PTPRM: variants seen among roughly 807,000 people sequenced by gnomAD.
PTPRM encodes the protein protein tyrosine phosphatase receptor type M.
A neutral mutation model predicts 186.7 loss-of-function variants in PTPRM; 47 were observed. That is an observed-to-expected ratio of 0.25 (90% confidence interval 0.20 to 0.32). PTPRM has a LOEUF of 0.32. Among genes scored for constraint, PTPRM ranks in the 10% least tolerant of loss-of-function variants. The pLI, the probability that PTPRM is intolerant of heterozygous loss-of-function variation, is 1.00. For synonymous variants in PTPRM, 668 were observed against 674.9 expected, an observed-to-expected ratio of 0.99 and a Z score of 0.16; for missense variants, 1,494 against 1,865.0, an observed-to-expected ratio of 0.80 and a Z score of 3.66.
chr18:7,631,389 AGATAT>A (rs886804057), intron 1 of PTPRM, among the ~76,000 whole-genome samples: 2 of 151,766 alleles, frequency 1.3e-5, no homozygotes, highest in African/African-American at 4.8e-5. Context: ...AACTGTGATA[AGATAT>A]ATTTCTTTCC....
At chr18:8,342,948 G>T (rs2095483581) in intron 22 of PTPRM, among the ~76,000 whole-genome samples, 1 of 151,898 alleles carries the variant, frequency 6.6e-6, no homozygotes, top group Non-Finnish European at 1.5e-5. Context: ...AAAAAAAATG[G>T]ATTAATTTGA....
intron 31 of PTPRM, 150 bp downstream of exon 31, chr18:8,387,385 G>T: frequency 2.4e-6 from 2 of 831,350 alleles, no homozygotes; most frequent in Admixed American, 2.9e-5. Context: ...GTGAGGGATT[G>T]GTTGGCTTTT....
At chr18:7,607,575 T>A (rs1048061551) in intron 1 of PTPRM, among the ~76,000 whole-genome samples, 1 of 152,202 alleles carries the variant, frequency 6.6e-6, no homozygotes. Flanking sequence ...CAATTAGTGA[T>A]GTTTGTTAAA....
intron 2 of PTPRM, among the ~76,000 whole-genome samples, chr18:7,829,579 C>A (rs2045657942): frequency 6.6e-6 from 1 of 152,204 alleles, no homozygotes; most frequent in South Asian, 2.1e-4. Flanking sequence ...TGTGAGATTG[C>A]TCTTAAAGAT....
chr18:7,864,952 T>C (rs1388940846), intron 2 of PTPRM, among the ~76,000 whole-genome samples: 1 of 152,170 alleles, frequency 6.6e-6, no homozygotes, highest in Non-Finnish European at 1.5e-5. Flanking sequence ...TTATTTTCCT[T>C]GTAGCAATTG....
chr18:8,245,291 G>T (rs1279997997), intron 15 of PTPRM, among the ~76,000 whole-genome samples: 1 of 152,110 alleles, frequency 6.6e-6, no homozygotes, highest in Non-Finnish European at 1.5e-5. Flanking sequence ...GCTTGTAGCG[G>T]CTGCAGTTGT....
chr18:8,098,024 C>G (rs760582479), intron 11 of PTPRM, among the ~76,000 whole-genome samples: 32 of 152,130 alleles, frequency 2.1e-4, no homozygotes, highest in Non-Finnish European at 4.0e-4. Context: ...TTACAGTTGC[C>G]TACAGTATTC....
chr18:8,337,828 C>T (rs2095449088), intron 22 of PTPRM, among the ~76,000 whole-genome samples: 1 of 152,098 alleles, frequency 6.6e-6, no homozygotes, highest in Admixed American at 6.5e-5. Flanking sequence ...GGGCAGGTGC[C>T]CTGACACAGT....
chr18:7,640,631 G>A (rs1228675753), intron 1 of PTPRM, among the ~76,000 whole-genome samples: 1 of 152,046 alleles, frequency 6.6e-6, no homozygotes, highest in Non-Finnish European at 1.5e-5. Flanking sequence ...GGAGACAGGT[G>A]ATTGGCAGCT....
At chr18:8,029,787 A>C (rs2085836486) in intron 7 of PTPRM, among the ~76,000 whole-genome samples, 1 of 152,236 alleles carries the variant, frequency 6.6e-6, no homozygotes, top group Non-Finnish European at 1.5e-5. Context: ...GTGAGCCTGC[A>C]GGAAATACTG....
intron 2 of PTPRM, among the ~76,000 whole-genome samples, chr18:7,821,540 G>A (rs932052956): frequency 4.6e-5 from 7 of 151,910 alleles, no homozygotes; most frequent in Non-Finnish European, 1.5e-5. Flanking sequence ...GGCAAGTACC[G>A]AATCCTATAT....
intron 19 of PTPRM, among the ~76,000 whole-genome samples, chr18:8,276,707 C>G (rs2094839892): frequency 6.6e-6 from 1 of 152,204 alleles, no homozygotes; most frequent in South Asian, 2.1e-4. Flanking sequence ...CACAGGACAG[C>G]TGACTCTGGG....
intron 7 of PTPRM, among the ~76,000 whole-genome samples, chr18:7,998,526 G>A (rs11081350): frequency 0.34 from 51,412 of 151,992 alleles, 9,608 homozygotes; most frequent in Non-Finnish European, 0.43. Flanking sequence ...AAAGTACTGC[G>A]TTTATTCCTC....
In PTPRM at chr18:8,374,392, A is replaced by G. The variant is rs1318958003; in HGVS notation, c.3172-1654A>G. Among the ~76,000 whole-genome samples, 5 of 152,294 alleles carry G rather than the reference A, an allele frequency of 3.3e-5. No individual in the cohort carries two copies. The East Asian group carries it at 5.8e-4, about 18-fold the overall frequency. ...CCTTTTTTCCCCTTTGGAATAAAGT[A>G]TTTACCGTCAATAAGCTTTCCCAGT... On this transcript the variant is annotated intron_variant, in intron 24 of 32. Coordinates refer to ENST00000580170, the MANE Select transcript of PTPRM (RefSeq NM_001105244.2).
intron 4 of PTPRM, among the ~76,000 whole-genome samples, chr18:7,907,285 GT>G (rs1218977318): frequency 6.6e-6 from 1 of 152,226 alleles, no homozygotes; most frequent in African/African-American, 2.4e-5. Flanking sequence ...ACCTGTTATG[GT>G]TTCTAGTCTG....
intron 20 of PTPRM, among the ~76,000 whole-genome samples, chr18:8,299,909 G>A (rs2095137782): frequency 6.6e-6 from 1 of 152,102 alleles, no homozygotes; most frequent in Non-Finnish European, 1.5e-5. Flanking sequence ...ATTCCACAAG[G>A]GGAACTTTTT....
chr18:8,070,480 T>A (rs2089401074), intron 8 of PTPRM, among the ~76,000 whole-genome samples: 1 of 152,228 alleles, frequency 6.6e-6, no homozygotes, highest in East Asian at 1.9e-4. Flanking sequence ...AACTGTAAGT[T>A]GGTGGTCATG....
At chr18:7,711,846 GGTAAAACCCCCA>G (rs2040220647) in intron 1 of PTPRM, among the ~76,000 whole-genome samples, 1 of 152,084 alleles carries the variant, frequency 6.6e-6, no homozygotes, top group Non-Finnish European at 1.5e-5. Flanking sequence ...GGGTCTTATA[GGTAAAACCCCCA>G]TCTCCCTGGG....
chr18:8,299,027 A>G (rs914820300), intron 20 of PTPRM, among the ~76,000 whole-genome samples: 1 of 152,176 alleles, frequency 6.6e-6, no homozygotes, highest in African/African-American at 2.4e-5. Flanking sequence ...GAGGCAGGCA[A>G]ACATGAGGAT....
Sources: allele counts gnomAD v4.1 joint callset (sites outside exome capture counted in the v4.1 genomes callset), GRCh38; gene constraint gnomAD v4.1.1; transcripts MANE v1.5; gene names NCBI Gene and HGNC (gene_info 2026-07-23, HGNC 2026-07-21).